Variants in INSC observed in about 807,000 individuals in gnomAD.
INSC encodes protein inscuteable homolog.
In INSC, 67 loss-of-function variants were observed where a neutral mutation model predicts 58.6. The ratio of observed to expected loss-of-function variants is 1.14; its 90% CI spans 0.94 to 1.40. The LOEUF is 1.40. Among genes scored for constraint, INSC ranks in the 40% most tolerant of loss-of-function variants. The pLI is 0.00. For missense variants in INSC, 714 were observed against 692.0 expected (o/e 1.03, Z -0.36); for synonymous variants, 262 against 276.1 (o/e 0.95, Z 0.51).
chr11:15,189,839 C>T (rs1277709786), intron 5 of INSC, among the ~76,000 whole-genome samples: 1 of 152,198 alleles, frequency 6.6e-6, no homozygotes, highest in African/African-American at 2.4e-5. Context: ...CCTTTACACT[C>T]AATGAATCAC....
At chr11:15,130,671 A>T (rs1255839539) in intron 1 of INSC, among the ~76,000 whole-genome samples, 1 of 152,168 alleles carries the variant, frequency 6.6e-6, no homozygotes, top group Non-Finnish European at 1.5e-5. Flanking sequence ...TGAATGATAT[A>T]AACTCATGCT....
intron 1 of INSC, among the ~76,000 whole-genome samples, chr11:15,117,943 C>G (rs1847772612): frequency 6.6e-6 from 1 of 152,208 alleles, no homozygotes; most frequent in Non-Finnish European, 1.5e-5. Context: ...AGTGTTTCAG[C>G]TGCCAGCTCT....
chr11:15,163,764 T>C (rs1849098038), intron 2 of INSC, among the ~76,000 whole-genome samples: 2 of 152,148 alleles, frequency 1.3e-5, no homozygotes, highest in South Asian at 4.1e-4. Flanking sequence ...CAACTAATTT[T>C]CTGTATTTTA....
At chr11:15,150,839 C>A (rs1261291850) in intron 2 of INSC, among the ~76,000 whole-genome samples, 6 of 152,134 alleles carry the variant, frequency 3.9e-5, no homozygotes, top group Admixed American at 3.9e-4. Context: ...TTATGTGGGG[C>A]TAAGTGGTTG....
In INSC at chr11:15,221,573, T is replaced by C. The variant is rs753837396; in HGVS notation, c.916T>C (p.Ser306Pro). 62 of 1,613,716 alleles carry C rather than the reference T, an allele frequency of 3.8e-5. 1 individual carries two copies. The highest frequency in any genetic ancestry group is 5.0e-5 in the Non-Finnish European group (59 of 1,179,926). The change falls in exon 8 of 13, where the codon TCC becomes CCC. Residue 306 changes from serine to proline, a missense_variant. Ser to Pro is a moderately conservative substitution (Grantham distance 74). Transcript: ENST00000379556. Reference sequence around the variant, plus strand: ...TGCGGCTGTGGTGGCCCAGGTCACCTCCCCACACCTGCCCGTCACCCAGCA... The same window carrying C: ...TGCGGCTGTGGTGGCCCAGGTCACCCCCCCACACCTGCCCGTCACCCAGCA... Reference protein sequence around the residue: ...EAAAVVAQVTSPHLPVTQHLS... With the variant: ...EAAAVVAQVTPPHLPVTQHLS...
intron 6 of INSC, 122 bp from the exon 7 acceptor site, chr11:15,200,702 G>A (rs1373896576): frequency 1.2e-5 from 15 of 1,247,638 alleles, no homozygotes; most frequent in Non-Finnish European, 1.6e-5. Context: ...GTGGGGCGGG[G>A]GTTGCTGGAG....
chr11:15,171,177 G>T (rs1457524354), intron 2 of INSC, among the ~76,000 whole-genome samples: 1 of 151,964 alleles, frequency 6.6e-6, no homozygotes, highest in African/African-American at 2.4e-5. Flanking sequence ...TCCTTTCCAG[G>T]CCAGAGGTAA....
At chr11:15,261,899 A>C in the INSC span, among the ~76,000 whole-genome samples, 1 of 152,110 alleles carries the variant, frequency 6.6e-6, no homozygotes, top group Non-Finnish European at 1.5e-5. Context: ...ATTTAGGTTC[A>C]CGTAATGGAG....
At chr11:15,197,469 A>C (rs1045028324) in intron 6 of INSC, among the ~76,000 whole-genome samples, 1 of 152,190 alleles carries the variant, frequency 6.6e-6, no homozygotes, top group African/African-American at 2.4e-5. Context: ...CATGCCCTGC[A>C]CAGCATCCTC....
At chr11:15,179,731 CT>C (rs1849695214) in intron 5 of INSC, among the ~76,000 whole-genome samples, 1 of 152,242 alleles carries the variant, frequency 6.6e-6, no homozygotes, top group Admixed American at 6.5e-5. Context: ...TGAGCCAGTG[CT>C]GACAATCACA....
At chr11:15,223,122 T>C (rs981946734) in intron 8 of INSC, among the ~76,000 whole-genome samples, 1 of 152,248 alleles carries the variant, frequency 6.6e-6, no homozygotes, top group Non-Finnish European at 1.5e-5. Flanking sequence ...AAAGGTGTGG[T>C]CACTGGTAAA....
chr11:15,165,869 G>T (rs527888524), intron 2 of INSC, among the ~76,000 whole-genome samples: 2 of 152,082 alleles, frequency 1.3e-5, no homozygotes, highest in Non-Finnish European at 2.9e-5. Flanking sequence ...CAGTCTTTTG[G>T]GGGGTGGTGG....
upstream of INSC, chr11:15,112,418 C>A: frequency 1.4e-6 from 2 of 1,471,338 alleles, no homozygotes; most frequent in Non-Finnish European, 1.9e-6. Context: ...AGAAGCTGTT[C>A]ACAGGGGCCT....
At chr11:15,199,546 T>C (rs1540154) in intron 6 of INSC, among the ~76,000 whole-genome samples, 39,146 of 152,178 alleles carry the variant, frequency 0.26, 5,241 homozygotes, top group South Asian at 0.39. Flanking sequence ...TGCTGCATTC[T>C]CAGCACACAT....
At chr11:15,155,070 C>T (rs539464218) in intron 2 of INSC, among the ~76,000 whole-genome samples, 1 of 152,220 alleles carries the variant, frequency 6.6e-6, no homozygotes, top group East Asian at 1.9e-4. Flanking sequence ...CCTAGGGTGC[C>T]CTGCCTTGAT....
At position 15,191,768 on chromosome 11, in the gene INSC, G is replaced by A. The variant is rs77062109; in HGVS notation, c.693+954G>A. 3.1e-3 allele frequency among the ~76,000 whole-genome samples: 473 copies of A among 152,204 alleles called. 1 individual carries two copies. Among genetic ancestry groups the A allele is most frequent in the Admixed American group, 6.5e-3 (99 of 15,296 alleles). ...CACCAACTCGGAGGTTTGTTCTCTG[G>A]GTTCCCATCCAGTGCCCTTAGTCTC... On this transcript the variant is annotated intron_variant, in intron 6 of 12. Coordinates refer to ENST00000379556, the MANE Select transcript of INSC (RefSeq NM_001042536.3).
chr11:15,139,736 C>T (rs569107901), intron 1 of INSC, among the ~76,000 whole-genome samples: 34 of 152,306 alleles, frequency 2.2e-4, no homozygotes, highest in Non-Finnish European at 4.4e-5. Context: ...CACATTTGAA[C>T]CTGGGCAGTT....
intron 7 of INSC, among the ~76,000 whole-genome samples, chr11:15,209,226 T>C (rs573580717): frequency 6.1e-4 from 93 of 152,330 alleles, no homozygotes; most frequent in Non-Finnish European, 1.1e-3. Flanking sequence ...TGCCCAGCTC[T>C]ACCACTTATT....
rs1173865742 is a variant in INSC, at chr11:15,181,020, A to G, written c.579+2573A>G. On this transcript the variant is annotated intron_variant, in intron 5 of 12. Transcript: ENST00000379556. ...AATATTGTTCCTTAGGATGTTAGTA[A>G]TTATACCAGGATCTTACATTTGTGC... Among the ~76,000 whole-genome samples the G allele has an allele frequency of 5.3e-5, 8 of 152,328 alleles. No homozygotes were observed. The East Asian group carries it at 1.5e-3, about 29-fold the overall frequency.
Sources: gnomAD v4.1 joint callset for allele counts (sites outside exome capture counted in the v4.1 genomes callset) on GRCh38, gnomAD v4.1.1 for gene constraint, MANE v1.5 for transcripts, NCBI Gene and HGNC (gene_info 2026-07-23, HGNC 2026-07-21) for gene names.